The following NR3C1 variants were observed in gnomAD, a reference collection of about 807,000 sequenced individuals.
NR3C1 encodes the protein nuclear receptor subfamily 3 group C member 1.
A neutral mutation model predicts 74.0 loss-of-function variants in NR3C1; 14 were observed. That is an observed-to-expected ratio of 0.19 (90% CI 0.12 to 0.30). The LOEUF (loss-of-function observed/expected upper bound fraction) is 0.30, where lower values mean the gene tolerates loss of function less well. Among genes scored for constraint, NR3C1 ranks in the 10% least tolerant of loss-of-function variants. The pLI, the probability that NR3C1 is intolerant of heterozygous loss-of-function variation, is 1.00. For missense variants in NR3C1, 695 were observed against 909.8 expected, an observed-to-expected ratio of 0.76 and a Z score of 3.04; for synonymous variants, 308 against 332.5, an observed-to-expected ratio of 0.93 and a Z score of 0.80.
intron 2 of NR3C1, among the ~76,000 whole-genome samples, chr5:143,336,443 T>C (rs2151724969): frequency 6.6e-6 from 1 of 152,292 alleles, no homozygotes; most frequent in Non-Finnish European, 1.5e-5. Context: ...GATTGTTGGC[T>C]TCCTAAGATC....
At chr5:143,314,215 A>G in intron 2 of NR3C1, 47 bp from the exon 3 acceptor site, 1 of 1,589,804 alleles carries the variant, frequency 6.3e-7, no homozygotes, top group Non-Finnish European at 8.6e-7. Context: ...TCAAAGGAAT[A>G]TCAAAATACA....
chr5:143,308,748 T>A (rs1820205682), intron 4 of NR3C1, among the ~76,000 whole-genome samples: 1 of 152,220 alleles, frequency 6.6e-6, no homozygotes, highest in Admixed American at 6.5e-5. Flanking sequence ...ATGCCCTCTA[T>A]GGTGTGCCAT....
intron 2 of NR3C1, among the ~76,000 whole-genome samples, chr5:143,396,607 T>C (rs1839228499): frequency 6.6e-6 from 1 of 151,828 alleles, no homozygotes; most frequent in South Asian, 2.1e-4. Context: ...TCATTACTTT[T>C]ATAAAACCAG....
At chr5:143,358,624 G>A (rs184593300) in intron 2 of NR3C1, among the ~76,000 whole-genome samples, 41 of 152,238 alleles carry the variant, frequency 2.7e-4, no homozygotes, top group East Asian at 5.8e-4. Context: ...AATCTTGGCC[G>A]GGCGCGGTGG....
chr5:143,308,167 A>C (rs372547839), intron 4 of NR3C1, among the ~76,000 whole-genome samples: 1 of 152,196 alleles, frequency 6.6e-6, no homozygotes, highest in African/African-American at 2.4e-5. Context: ...CTCCTATCAA[A>C]AGAACCACAT....
chr5:143,381,590 A>C (rs1467608501), intron 2 of NR3C1, among the ~76,000 whole-genome samples: 1 of 152,164 alleles, frequency 6.6e-6, no homozygotes, highest in Non-Finnish European at 1.5e-5. Context: ...TAGCATAAAA[A>C]CAGATACACA....
In NR3C1 at chr5:143,281,611, G is replaced by C. The variant is rs992342252; in HGVS notation, c.*278C>G. 2.7e-6 allele frequency: 1 copy of C among 373,352 alleles called. No homozygotes were observed. Among genetic ancestry groups the C allele is most frequent in the Non-Finnish European group, 5.0e-6 (1 of 198,506 alleles). 23.1% of individuals were successfully genotyped at this position (373,352 alleles called of 1,614,324 possible). On this transcript the variant is annotated 3_prime_UTR_variant, in exon 9 of 9. Transcript: ENST00000394464. Reference sequence around the variant, plus strand: ...GGTGCCATCCTTCTTTGACTGTGGAGATTACGTCCACATATTAAGGTTTCT... The same window carrying C: ...GGTGCCATCCTTCTTTGACTGTGGACATTACGTCCACATATTAAGGTTTCT...
intron 2 of NR3C1, among the ~76,000 whole-genome samples, chr5:143,366,368 G>T (rs1459850231): frequency 6.6e-6 from 1 of 152,076 alleles, no homozygotes; most frequent in African/African-American, 2.4e-5. Flanking sequence ...AAATTAGCCA[G>T]GCGTGGTGGT....
At chr5:143,339,240 T>TAAA (rs139905104) in intron 2 of NR3C1, among the ~76,000 whole-genome samples, 1 of 151,280 alleles carries the variant, frequency 6.6e-6, no homozygotes, top group African/African-American at 2.4e-5. Context: ...TGTTTCACAG[T>TAAA]AAAAAAAAAT....
At chr5:143,405,585 C>T (rs1191304684), upstream of NR3C1, among the ~76,000 whole-genome samples, 1 of 152,138 alleles carries the variant, frequency 6.6e-6, no homozygotes, top group East Asian at 1.9e-4. Context: ...TTTCAGCAAG[C>T]CTCTTGTCCG....
chr5:143,309,179 TTCTCC>T (rs1820344308), intron 4 of NR3C1, among the ~76,000 whole-genome samples: 1 of 151,774 alleles, frequency 6.6e-6, no homozygotes, highest in Non-Finnish European at 1.5e-5. Context: ...GTTCAAGTGA[TTCTCC>T]TGCCTCAGCC....
intron 4 of NR3C1, among the ~76,000 whole-genome samples, chr5:143,302,129 C>A (rs1476759622): frequency 6.6e-6 from 1 of 152,056 alleles, no homozygotes; most frequent in Non-Finnish European, 1.5e-5. Flanking sequence ...GTGCAAGTTA[C>A]TCCCTGACTC....
intron 2 of NR3C1, among the ~76,000 whole-genome samples, chr5:143,330,586 A>T (rs985222367): frequency 6.6e-6 from 1 of 152,226 alleles, no homozygotes; most frequent in African/African-American, 2.4e-5. Context: ...AGCCATAAGA[A>T]AGCATTTTTA....
At chr5:143,403,775 A>G, upstream of NR3C1, 1 of 981,654 alleles carries the variant, frequency 1.0e-6, no homozygotes, top group Non-Finnish European at 1.2e-6. Context: ...GCCGCGGGGA[A>G]CGATGCAACC....
At chr5:143,431,489 C>A (rs764320262) in intron 1 of NR3C1, among the ~76,000 whole-genome samples, 21 of 151,816 alleles carry the variant, frequency 1.4e-4, no homozygotes, top group Non-Finnish European at 2.8e-4. Flanking sequence ...CATACCCGGG[C>A]CTGTCAGGGG....
intron 2 of NR3C1, among the ~76,000 whole-genome samples, chr5:143,336,998 T>G (rs1285192972): frequency 6.6e-6 from 1 of 151,778 alleles, no homozygotes; most frequent in Non-Finnish European, 1.5e-5. Context: ...TACATACATA[T>G]ACATATATAT....
intron 2 of NR3C1, chr5:143,333,226 G>T (rs549711899): frequency 1.4e-5 from 21 of 1,465,136 alleles, no homozygotes; most frequent in Non-Finnish European, 2.0e-5. Context: ...CAGCTCATCC[G>T]TCAGCTGAAC....
rs557736818 is a variant in NR3C1, at chr5:143,423,861, GACA to G, written c.-14+10668_-14+10670del. 4.7e-3 allele frequency among the ~76,000 whole-genome samples: 711 copies of G among 151,942 alleles called. 7 individuals are homozygous for G. Among genetic ancestry groups the G allele is most frequent in the African/African-American group, 0.017 (697 of 41,448 alleles). On this transcript the variant is annotated intron_variant, in intron 1 of 8. Coordinates refer to the NR3C1 transcript ENST00000343796. ...AAGAGAAATAAGCCAGGCACAGAAA[GACA>G]AATATCACATTTCTTGCTCATATGT...
intron 1 of NR3C1, chr5:143,433,711 G>C (rs2151965617): frequency 6.6e-6 from 1 of 152,076 alleles, no homozygotes; most frequent in South Asian, 2.1e-4. Context: ...CTCCATCTGA[G>C]GCCTTACCTC....
Sources: allele counts gnomAD v4.1 joint callset (sites outside exome capture counted in the v4.1 genomes callset), GRCh38; gene constraint gnomAD v4.1.1; transcripts MANE v1.5; gene names NCBI Gene and HGNC (gene_info 2026-07-23, HGNC 2026-07-21).